Variants in ADAMTS6 observed in about 807,000 individuals in gnomAD.
The protein encoded by ADAMTS6 is ADAM metallopeptidase with thrombospondin type 1 motif 6, also known as A disintegrin and metalloproteinase with thrombospondin motifs 6.
In ADAMTS6, 23 loss-of-function variants were observed where a neutral mutation model predicts 144.3. The ratio of observed to expected loss-of-function variants is 0.16; its 90% confidence interval spans 0.11 to 0.23. The LOEUF (loss-of-function observed/expected upper bound fraction) is 0.23, where lower values mean the gene tolerates loss of function less well. ADAMTS6 is among the 10% of genes least tolerant of loss of function. ADAMTS6 has a pLI of 1.00. For missense variants in ADAMTS6, 999 were observed against 1,379.6 expected (o/e 0.72, Z 4.37); for synonymous variants, 444 against 457.5 (o/e 0.97, Z 0.38).
chr5:65,408,580 G>C (rs1754778745), intron 7 of ADAMTS6, among the ~76,000 whole-genome samples: 1 of 152,096 alleles, frequency 6.6e-6, no homozygotes, highest in Admixed American at 6.5e-5. Context: ...GTCAACATTA[G>C]ACAGATCAAC....
At chr5:65,431,092 A>G (rs1756970797) in intron 7 of ADAMTS6, among the ~76,000 whole-genome samples, 1 of 152,208 alleles carries the variant, frequency 6.6e-6, no homozygotes, top group Non-Finnish European at 1.5e-5. Flanking sequence ...ATGAATGAAT[A>G]AATGCAGTTT....
chr5:65,294,777 T>C (rs1432438210), intron 10 of ADAMTS6, among the ~76,000 whole-genome samples: 1 of 152,158 alleles, frequency 6.6e-6, no homozygotes, highest in Non-Finnish European at 1.5e-5. Context: ...GTGCTTTTCC[T>C]TACTTTTTTT....
rs138925742 is a variant in ADAMTS6 at position 65,232,004 on chromosome 5, G to A, written c.1934-5785C>T. ...TACATGTCTGTAATCCCAGCTACTC[G>A]GGAGGCTGAGGCAGGAGAATCACTT... On this transcript the variant is annotated intron_variant, in intron 15 of 24. Coordinates refer to ENST00000381055, the MANE Select transcript of ADAMTS6 (RefSeq NM_197941.4). Among the ~76,000 whole-genome samples the A allele has an allele frequency of 3.4e-3, 523 of 152,108 alleles. 3 individuals are homozygous for A. Among genetic ancestry groups the A allele is most frequent in the African/African-American group, 0.012 (490 of 41,518 alleles).
At chr5:65,160,206 G>A (rs1027063701) in intron 24 of ADAMTS6, among the ~76,000 whole-genome samples, 1 of 151,948 alleles carries the variant, frequency 6.6e-6, no homozygotes, top group Non-Finnish European at 1.5e-5. Flanking sequence ...CAGTAGCCTC[G>A]TACTATGAGT....
chr5:65,469,692 T>G (rs1760286348), intron 3 of ADAMTS6, among the ~76,000 whole-genome samples: 1 of 152,232 alleles, frequency 6.6e-6, no homozygotes, highest in Non-Finnish European at 1.5e-5. Flanking sequence ...TGGAGCACAT[T>G]CCTATATACA....
intron 7 of ADAMTS6, among the ~76,000 whole-genome samples, chr5:65,421,061 T>G (rs1234952681): frequency 6.6e-6 from 1 of 152,230 alleles, no homozygotes; most frequent in Non-Finnish European, 1.5e-5. Flanking sequence ...TTAGAACATT[T>G]ACATTCAATG....
chr5:65,325,487 T>C (rs1746071174), intron 9 of ADAMTS6, among the ~76,000 whole-genome samples: 1 of 150,566 alleles, frequency 6.6e-6, no homozygotes, highest in African/African-American at 2.5e-5. Context: ...TAGCTTTCAA[T>C]ATAGCTTTTT....
chr5:65,336,078 T>C (rs1255122647), intron 7 of ADAMTS6, among the ~76,000 whole-genome samples: 2 of 152,188 alleles, frequency 1.3e-5, no homozygotes, highest in Non-Finnish European at 2.9e-5. Flanking sequence ...AAACCAGATT[T>C]GTTTTTCTTA....
intron 22 of ADAMTS6, among the ~76,000 whole-genome samples, chr5:65,176,018 T>C (rs1300365679): frequency 2.0e-5 from 3 of 152,166 alleles, no homozygotes; most frequent in Non-Finnish European, 4.4e-5. Flanking sequence ...TAACATGTAT[T>C]ATGGTAACTT....
chr5:65,474,136 T>C (rs1043874033), intron 1 of ADAMTS6, among the ~76,000 whole-genome samples, 184 bp from the exon 2 acceptor site: 1 of 152,134 alleles, frequency 6.6e-6, no homozygotes. Flanking sequence ...GAGACCAAAA[T>C]GGTTATCAGC....
At chr5:65,254,046 T>C (rs1408825818) in intron 14 of ADAMTS6, among the ~76,000 whole-genome samples, 1 of 151,926 alleles carries the variant, frequency 6.6e-6, no homozygotes, top group African/African-American at 2.4e-5. Flanking sequence ...GGTTTCACCA[T>C]GTTGCCCAGG....
At chr5:65,169,959 C>T (rs1217790384) in intron 24 of ADAMTS6, among the ~76,000 whole-genome samples, 7 of 151,038 alleles carry the variant, frequency 4.6e-5, no homozygotes, top group Admixed American at 1.3e-4. Context: ...GTGGGTGCAG[C>T]GCACCAGCAT....
At position 65,164,223 on chromosome 5, in the gene ADAMTS6, C is replaced by T. The variant is rs561334762; in HGVS notation, c.3244+6394G>A. On this transcript the variant is annotated intron_variant, in intron 24 of 24. Coordinates refer to ENST00000381055, the MANE Select transcript of ADAMTS6 (RefSeq NM_197941.4). ...GCGAGGCATTGCCTCACCTGGGAAG[C>T]GCAAGGGGTCAGGGAGTTCCCTTTC... is the stretch of plus-strand genomic sequence containing the variant. Among the ~76,000 whole-genome samples the T allele has an allele frequency of 4.6e-3, 705 of 151,860 alleles. 2 individuals are homozygous for T. Among genetic ancestry groups the T allele is most frequent in the Non-Finnish European group, 6.7e-3 (454 of 67,906 alleles).
chr5:65,479,296 A>C (rs1415518801), intron 1 of ADAMTS6, among the ~76,000 whole-genome samples: 1 of 152,196 alleles, frequency 6.6e-6, no homozygotes. Flanking sequence ...TTTCTAGATC[A>C]TTTATAAAAT....
intron 7 of ADAMTS6, among the ~76,000 whole-genome samples, chr5:65,420,264 T>C (rs1755912969): frequency 1.3e-5 from 2 of 152,144 alleles, no homozygotes; most frequent in African/African-American, 4.8e-5. Flanking sequence ...CACATGGGGA[T>C]TATGGGGATT....
chr5:65,250,331 C>T (rs1405608636), intron 14 of ADAMTS6, among the ~76,000 whole-genome samples: 2 of 152,206 alleles, frequency 1.3e-5, no homozygotes, highest in East Asian at 3.8e-4. Context: ...AGGATTCACA[C>T]TCAAGTTAAT....
intron 7 of ADAMTS6, among the ~76,000 whole-genome samples, chr5:65,380,029 A>C (rs1751902111): frequency 6.6e-6 from 1 of 151,984 alleles, no homozygotes. Flanking sequence ...GTCTCTTTCC[A>C]TCTCCATTTT....
chr5:65,421,950 A>G (rs1201753946), intron 7 of ADAMTS6, among the ~76,000 whole-genome samples: 1 of 152,208 alleles, frequency 6.6e-6, no homozygotes, highest in Non-Finnish European at 1.5e-5. Flanking sequence ...CAAAAACAAA[A>G]ATAAATAAAT....
At chr5:65,241,979 T>C in intron 15 of ADAMTS6, 125 bp downstream of exon 15, 1 of 530,616 alleles carries the variant, frequency 1.9e-6, no homozygotes, top group Non-Finnish European at 3.0e-6. Flanking sequence ...TTCCCTGCTT[T>C]TGTTGGCAAA....
Sources: gnomAD v4.1 joint callset for allele counts (sites outside exome capture counted in the v4.1 genomes callset) on GRCh38, gnomAD v4.1.1 for gene constraint, MANE v1.5 for transcripts, NCBI Gene and HGNC (gene_info 2026-07-23, HGNC 2026-07-21) for gene names.